The following DPH6 variants were observed in gnomAD, a reference collection of about 807,000 sequenced individuals.
DPH6 encodes diphthamine biosynthesis 6, also known as diphthine--ammonia ligase.
DPH6 carries 33 observed loss-of-function variants against 38.2 expected under a neutral mutation model. That is an observed-to-expected ratio of 0.86 (90% CI 0.65 to 1.15). The LOEUF is 1.15. Ranked by LOEUF, DPH6 falls within the 50% of genes most tolerant of loss-of-function variation. The pLI is 0.00. For missense variants in DPH6, 325 were observed against 320.0 expected (o/e 1.02, Z -0.12); for synonymous variants, 108 against 103.0 (o/e 1.05, Z -0.30).
chr15:35,452,607 A>G (rs528533365), intron 4 of DPH6, among the ~76,000 whole-genome samples: 7 of 152,240 alleles, frequency 4.6e-5, no homozygotes, highest in African/African-American at 1.7e-4. Context: ...ATATACCCTG[A>G]CTTTCAAAAA....
chr15:35,183,453 A>G, the DPH6 span, among the ~76,000 whole-genome samples: 1 of 152,230 alleles, frequency 6.6e-6, no homozygotes, highest in African/African-American at 2.4e-5. Context: ...GTCTAAAAGG[A>G]CCCTGCAGAG....
chr15:35,312,010 G>GAAAAAAAAAAAAAAAAAAAAA (rs10573455), intron 3 of DPH6, among the ~76,000 whole-genome samples: 1 of 102,142 alleles, frequency 9.8e-6, no homozygotes, highest in African/African-American at 3.6e-5. Context: ...TTAAGAAAAT[G>GAAAAAAAAAAAAAAAAAAAAA]AAAAAAAAAA....
At chr15:35,260,033 C>G (rs996866591) in intron 3 of DPH6, among the ~76,000 whole-genome samples, 11 of 152,152 alleles carry the variant, frequency 7.2e-5, no homozygotes, top group African/African-American at 2.4e-4. Flanking sequence ...GGGATAATTA[C>G]TATTTTAGAG....
intron 3 of DPH6, among the ~76,000 whole-genome samples, chr15:35,279,663 G>GT (rs1192642139): frequency 2.0e-5 from 3 of 152,052 alleles, no homozygotes; most frequent in Non-Finnish European, 4.4e-5. Context: ...CACCATGATT[G>GT]TAAGCTTTCT....
chr15:35,375,453 T>C (rs1360317772), intron 7 of DPH6, among the ~76,000 whole-genome samples: 3 of 152,146 alleles, frequency 2.0e-5, no homozygotes, highest in Non-Finnish European at 2.9e-5. Flanking sequence ...CTCTCTCATA[T>C]ACTATCACAG....
the DPH6 span, among the ~76,000 whole-genome samples, chr15:35,169,941 G>A: frequency 0.72 from 110,169 of 152,124 alleles, 40,545 homozygotes; most frequent in Middle Eastern, 0.78. Context: ...TTTAAAAGCT[G>A]ACTTCCATAA....
At chr15:35,214,589 T>C (rs1427157470), downstream of DPH6, among the ~76,000 whole-genome samples, 1 of 152,196 alleles carries the variant, frequency 6.6e-6, no homozygotes, top group Non-Finnish European at 1.5e-5. Flanking sequence ...GCCACTATCA[T>C]TTTTCATCTG....
At chr15:35,442,912 G>A (rs540934234) in intron 5 of DPH6, among the ~76,000 whole-genome samples, 57 of 152,152 alleles carry the variant, frequency 3.7e-4, no homozygotes, top group Non-Finnish European at 6.6e-4. Context: ...GATTACTAAC[G>A]AGCATGAGAT....
intron 5 of DPH6, among the ~76,000 whole-genome samples, chr15:35,413,861 A>G (rs2053402435): frequency 6.6e-6 from 1 of 151,578 alleles, no homozygotes. Flanking sequence ...CTGAATTGAA[A>G]ATTATTTTAA....
At chr15:35,347,325 T>C (rs757460846) in intron 3 of DPH6, among the ~76,000 whole-genome samples, 3 of 151,992 alleles carry the variant, frequency 2.0e-5, no homozygotes, top group Non-Finnish European at 2.9e-5. Flanking sequence ...ATTGCCTGTT[T>C]GTTTGTTTGT....
In DPH6 at chr15:35,393,971, C is replaced by T. The variant is rs570109763; in HGVS notation, c.568-12055G>A. On this transcript the variant is annotated intron_variant, in intron 6 of 8. Coordinates refer to ENST00000256538, the MANE Select transcript of DPH6 (RefSeq NM_080650.4). ...AGAGTCCAGAGGCCTTATCCTTTTC[C>T]AATTTATGTGGCATATAATACCACT... Among the ~76,000 whole-genome samples, 3 of 152,198 alleles carry T rather than the reference C, an allele frequency of 2.0e-5. No homozygotes were observed. In the South Asian group the frequency reaches 6.2e-4, roughly 32 times the overall value.
At chr15:35,259,947 A>C (rs1229920368) in intron 3 of DPH6, among the ~76,000 whole-genome samples, 1 of 152,228 alleles carries the variant, frequency 6.6e-6, no homozygotes, top group African/African-American at 2.4e-5. Flanking sequence ...AGGAGACATA[A>C]GACCTACATA....
At chr15:35,499,751 CACTT>C (rs1241805621) in intron 3 of DPH6, among the ~76,000 whole-genome samples, 3 of 152,208 alleles carry the variant, frequency 2.0e-5, no homozygotes, top group African/African-American at 7.2e-5. Flanking sequence ...ATCTATCAGA[CACTT>C]ACTTTATCGC....
chr15:35,179,741 G>A, the DPH6 span, among the ~76,000 whole-genome samples: 2 of 152,118 alleles, frequency 1.3e-5, no homozygotes, highest in Non-Finnish European at 2.9e-5. Flanking sequence ...TTTACTGAAT[G>A]GGGTGATACT....
chr15:35,197,753 T>C, the DPH6 span, among the ~76,000 whole-genome samples: 1 of 152,202 alleles, frequency 6.6e-6, no homozygotes, highest in African/African-American at 2.4e-5. Context: ...GTCTGAGAAA[T>C]AGCCACATAA....
chr15:35,353,601 G>A lies in DPH6; in HGVS notation n.207+19920C>T, dbSNP rs142893692. Among the ~76,000 whole-genome samples, 77 of 152,184 alleles carry A rather than the reference G, an allele frequency of 5.1e-4. 5 individuals are homozygous for A. The highest frequency in any genetic ancestry group is 3.4e-3 in the Middle Eastern group (1 of 294). ...GATCAGATAGTTGTAGATATGTGGC[G>A]TTATTTCTGAGGGATCTGTTCTGTT... On this transcript the variant is annotated intron_variant and non_coding_transcript_variant, in intron 3 of 3. Coordinates refer to the DPH6 transcript ENST00000558973.
the DPH6 span, among the ~76,000 whole-genome samples, chr15:35,173,227 T>G: frequency 2.6e-5 from 4 of 152,192 alleles, no homozygotes; most frequent in African/African-American, 2.4e-5. Flanking sequence ...CATATCTTTT[T>G]CACCTTGGGA....
intron 3 of DPH6, among the ~76,000 whole-genome samples, chr15:35,332,300 G>T (rs1346849587): frequency 1.3e-5 from 2 of 152,010 alleles, no homozygotes; most frequent in Non-Finnish European, 2.9e-5. Flanking sequence ...TAGGCAAAAG[G>T]ATAAATTTGA....
At chr15:35,444,677 G>A (rs754195480) in intron 5 of DPH6, among the ~76,000 whole-genome samples, 2 of 152,082 alleles carry the variant, frequency 1.3e-5, no homozygotes, top group Non-Finnish European at 2.9e-5. Flanking sequence ...TTGCACTGTT[G>A]ACCAATATGA....
Sources: allele counts gnomAD v4.1 joint callset (sites outside exome capture counted in the v4.1 genomes callset), GRCh38; gene constraint gnomAD v4.1.1; transcripts MANE v1.5; gene names NCBI Gene and HGNC (gene_info 2026-07-23, HGNC 2026-07-21).